TMTC1: variants seen among roughly 807,000 people sequenced by gnomAD.
TMTC1 encodes the protein transmembrane O-mannosyltransferase targeting cadherins 1.
A neutral mutation model predicts 104.8 loss-of-function variants in TMTC1; 73 were observed. The observed-to-expected ratio is 0.70, with a 90% CI of 0.58 to 0.85. TMTC1 has a LOEUF of 0.85. TMTC1 is among the 40% of genes least tolerant of loss of function. The pLI is 0.00. For missense variants in TMTC1, 1,035 were observed against 1,096.1 expected, an observed-to-expected ratio of 0.94 and a Z score of 0.79; for synonymous variants, 434 against 428.7, an observed-to-expected ratio of 1.01 and a Z score of -0.15.
At chr12:29,768,104 CT>C (rs1214427919) in intron 1 of TMTC1, 29 bp from the exon 2 acceptor site, 1 of 1,493,226 alleles carries the variant, frequency 6.7e-7, no homozygotes, top group Non-Finnish European at 9.0e-7. Context: ...AAGAAAAAAA[CT>C]GCATTAGCTA....
intron 8 of TMTC1, among the ~76,000 whole-genome samples, chr12:29,576,606 A>G (rs1945829999): frequency 6.6e-6 from 1 of 152,192 alleles, no homozygotes; most frequent in South Asian, 2.1e-4. Flanking sequence ...ACGAGAATAG[A>G]ATAATGGTTA....
chr12:29,520,475 C>T (rs1944117115), intron 12 of TMTC1, 143 bp downstream of exon 12: 9 of 682,148 alleles, frequency 1.3e-5, no homozygotes, highest in Non-Finnish European at 2.0e-5. Flanking sequence ...AAATGACAGC[C>T]CCGAGGTATA....
In TMTC1 at chr12:29,783,882, C is replaced by T; in HGVS notation, c.-131G>A. Reference sequence around the variant, plus strand: ...ATGGTGCTGCGGCAGCTGGACCCGCCGCGAGCTCCCCGCGCTCCGCCGCCG... The same window carrying T: ...ATGGTGCTGCGGCAGCTGGACCCGCTGCGAGCTCCCCGCGCTCCGCCGCCG... On this transcript the variant is annotated 5_prime_UTR_variant, in exon 1 of 18. Coordinates refer to ENST00000539277, the MANE Select transcript of TMTC1 (RefSeq NM_001193451.2). The surrounding 1 kb of genome is among the most constrained non-coding windows in gnomAD (Gnocchi z 4.7). The T allele has an allele frequency of 2.2e-6, 2 of 894,290 alleles. No homozygotes were observed. The highest frequency in any genetic ancestry group is 2.7e-6 in the Non-Finnish European group (2 of 733,000). 55.4% of individuals were successfully genotyped at this position (894,290 alleles called of 1,614,324 possible).
intron 11 of TMTC1, chr12:29,532,821 T>C (rs1027966134): frequency 1.3e-5 from 2 of 152,168 alleles, no homozygotes; most frequent in African/African-American, 4.8e-5. Context: ...TCCTAAAATA[T>C]TGCTTCTGTC....
At chr12:29,581,424 G>C (rs372016587) in intron 8 of TMTC1, among the ~76,000 whole-genome samples, 4 of 152,178 alleles carry the variant, frequency 2.6e-5, no homozygotes, top group African/African-American at 7.2e-5. Flanking sequence ...ACCACCAAAG[G>C]CCTCTTTAGT....
intron 5 of TMTC1, among the ~76,000 whole-genome samples, chr12:29,702,497 A>T (rs911125814): frequency 6.6e-6 from 1 of 152,178 alleles, no homozygotes; most frequent in African/African-American, 2.4e-5. Context: ...CCCTCTCTGT[A>T]AAGCTGTTGG....
At position 29,512,109 on chromosome 12, in the gene TMTC1, C is replaced by T. The variant is rs1439446836; in HGVS notation, c.2442G>A (p.Val814=). 2.5e-6 allele frequency: 4 copies of T among 1,613,332 alleles called. No individual in the cohort carries two copies. The highest frequency in any genetic ancestry group is 3.4e-6 in the Non-Finnish European group (4 of 1,179,702). ...CTTGGTCTGGGTTTAGTTGCACAGC[C>T]ACTCTATAGCTCTAAATAAATAAGA... ...LLDKAFESYR[V]AVQLNPDQAQ... is the part of the protein sequence containing the mutation. Residue 814 remains valine, a synonymous_variant, in exon 17 of 18, where the codon GTG becomes GTA. Coordinates refer to ENST00000539277, the MANE Select transcript of TMTC1 (RefSeq NM_001193451.2).
intron 10 of TMTC1, among the ~76,000 whole-genome samples, chr12:29,542,860 T>G (rs1944839604): frequency 1.3e-5 from 2 of 152,092 alleles, no homozygotes; most frequent in East Asian, 3.9e-4. Flanking sequence ...GGGGTAATAC[T>G]GCAATGAAAA....
chr12:29,760,509 TG>T (rs1943319278), intron 2 of TMTC1, among the ~76,000 whole-genome samples: 1 of 152,094 alleles, frequency 6.6e-6, no homozygotes, highest in African/African-American at 2.4e-5. Flanking sequence ...AATTATTAAA[TG>T]AAAAAACTTA....
intron 2 of TMTC1, among the ~76,000 whole-genome samples, chr12:29,761,728 C>T (rs1034609203): frequency 6.6e-6 from 1 of 152,042 alleles, no homozygotes; most frequent in Non-Finnish European, 1.5e-5. Flanking sequence ...ATTTCAGGCA[C>T]AGGAATAGTA....
intron 2 of TMTC1, among the ~76,000 whole-genome samples, chr12:29,764,535 A>G (rs1299559864): frequency 1.3e-5 from 2 of 152,038 alleles, no homozygotes; most frequent in Admixed American, 6.5e-5. Context: ...ATTTATCTCT[A>G]TATCTTCTGG....
rs74079998 is a variant in TMTC1 at position 29,738,230 on chromosome 12, G to C, written c.938+13436C>G. ...TCTTGGACTTAAACCCATTTTATGT[G>C]ACTCCAGAATCCATGTACCTAATCC... On this transcript the variant is annotated intron_variant, in intron 5 of 17. Coordinates refer to ENST00000539277, the MANE Select transcript of TMTC1 (RefSeq NM_001193451.2). Among the ~76,000 whole-genome samples the C allele has an allele frequency of 5.2e-3, 787 of 152,192 alleles. 12 individuals carry two copies. Among genetic ancestry groups the C allele is most frequent in the African/African-American group, 0.017 (697 of 41,514 alleles).
intron 4 of TMTC1, among the ~76,000 whole-genome samples, chr12:29,755,010 A>G (rs375260505): frequency 3.5e-4 from 53 of 152,292 alleles, no homozygotes; most frequent in Admixed American, 1.7e-3. Flanking sequence ...TTACTGAAAA[A>G]TGGGGCCTGC....
At chr12:29,529,424 C>T (rs7315908) in intron 11 of TMTC1, among the ~76,000 whole-genome samples, 1,914 of 152,274 alleles carry the variant, frequency 0.013, 32 homozygotes, top group African/African-American at 0.043. Context: ...AGTGCTTTCA[C>T]TCTAATCAAT....
chr12:29,754,177 TAAAA>T (rs56884730), intron 4 of TMTC1, among the ~76,000 whole-genome samples: 6 of 140,654 alleles, frequency 4.3e-5, no homozygotes, highest in Non-Finnish European at 3.1e-5. Flanking sequence ...AAAGTTTCTT[TAAAA>T]AAAAAAAAAA....
chr12:29,757,392 T>G (rs1364455155), intron 3 of TMTC1, among the ~76,000 whole-genome samples: 1 of 152,140 alleles, frequency 6.6e-6, no homozygotes, highest in Non-Finnish European at 1.5e-5. Context: ...GAACACCACT[T>G]CAGTTGTGAC....
rs1943629001 is a variant in TMTC1 at position 29,503,078 on chromosome 12, T to C, written c.*3768A>G. ...TTTGGATTTTCTCATTTAGTCTGAC[T>C]GAAAGGCCGTTGCGCAGAGGCATTC... On this transcript the variant is annotated 3_prime_UTR_variant, in exon 18 of 18. Coordinates refer to ENST00000539277, the MANE Select transcript of TMTC1 (RefSeq NM_001193451.2). 6.6e-6 allele frequency: 1 copy of C among 152,228 alleles called. No homozygotes were observed. The highest frequency in any genetic ancestry group is 2.1e-4 in the South Asian group (1 of 4,826). 9.4% of individuals were successfully genotyped at this position (152,228 alleles called of 1,614,324 possible).
At chr12:29,703,642 C>T (rs1431602807) in intron 5 of TMTC1, among the ~76,000 whole-genome samples, 2 of 152,176 alleles carry the variant, frequency 1.3e-5, no homozygotes, top group Admixed American at 6.5e-5. Context: ...TCTAAAGTTA[C>T]AGCAACTTAT....
intron 11 of TMTC1, chr12:29,534,799 C>T (rs372021936): frequency 4.6e-5 from 7 of 152,014 alleles, no homozygotes; most frequent in East Asian, 1.9e-4. Context: ...AATATTCTAA[C>T]GGTGGCAGAA....
Sources: gnomAD v4.1 joint callset for allele counts (sites outside exome capture counted in the v4.1 genomes callset) on GRCh38, gnomAD v4.1.1 for gene constraint, Gnocchi (gnomAD v3.1) non-coding constraint, MANE v1.5 for transcripts, NCBI Gene and HGNC (gene_info 2026-07-23, HGNC 2026-07-21) for gene names.